Variants in SLC22A12 observed in about 807,000 individuals in gnomAD.
SLC22A12 encodes organic anion transporter 4-like protein.
SLC22A12 carries 56 observed loss-of-function variants against 52.7 expected under a neutral mutation model. That is an observed-to-expected ratio of 1.06 (90% CI 0.86 to 1.33). The LOEUF is 1.33. Among genes scored for constraint, SLC22A12 ranks in the 40% most tolerant of loss-of-function variants. SLC22A12 has a pLI of 0.00. For synonymous variants in SLC22A12, 337 were observed against 324.6 expected (o/e 1.04, Z -0.41); for missense variants, 683 against 741.5 (o/e 0.92, Z 0.92).
Position 64,591,806 on chromosome 11 carries a change from A to G in SLC22A12, c.250A>G (p.Arg84Gly), listed in dbSNP as rs553349865. Reference protein sequence around the residue: ...AISIPPGPNQRPHQCRRFRQP... With the variant: ...AISIPPGPNQGPHQCRRFRQP... ...TTCCATCCCGCCGGGCCCCAACCAG[A>G]GGCCCCACCAGTGCCGCCGCTTCCG... Residue 84 changes from arginine (R) to glycine (G), a missense_variant, in exon 1 of 10, where the codon AGG (arginine) becomes GGG (glycine). Transcript: ENST00000377574. The G allele has an allele frequency of 6.2e-7, 1 of 1,612,378 alleles. No individual in the cohort carries two copies. Among genetic ancestry groups the G allele is most frequent in the East Asian group, 2.2e-5 (1 of 44,864 alleles).
rs768871354 is a variant in SLC22A12, at chr11:64,598,793, C to G, written c.955-15C>G. The G allele has an allele frequency of 6.2e-7, 1 of 1,611,950 alleles. No individual in the cohort carries two copies. Among genetic ancestry groups the G allele is most frequent in the Non-Finnish European group, 8.5e-7 (1 of 1,179,918 alleles). On this transcript the variant is annotated splice_polypyrimidine_tract_variant and intron_variant, in intron 5 of 9. Coordinates refer to ENST00000377574, the MANE Select transcript of SLC22A12 (RefSeq NM_144585.4). ...GCGCCCCCAGTGCCAACAGCACCCACCCCCGCCTCCACAGGTCTTGCTTTC... is the reference window on the plus strand; with the variant it reads ...GCGCCCCCAGTGCCAACAGCACCCAGCCCCGCCTCCACAGGTCTTGCTTTC...
rs1217811248 is a variant in SLC22A12 at position 64,595,271 on chromosome 11, A to G, written c.830+1468A>G. 2.8e-5 allele frequency among the ~76,000 whole-genome samples: 3 copies of G among 105,270 alleles called. No individual in the cohort carries two copies. In the Admixed American group the frequency reaches 3.1e-4, roughly 11 times the overall value. 69.1% of individuals were successfully genotyped at this position (105,270 alleles called of 152,430 possible). A position where few individuals can be genotyped will look rare whatever the true frequency, so the allele number is the denominator to read the frequency against. ...ATGGATGGAATGGATGGATGGATGG[A>G]TGGATGGTTGAATGGATGGTTGGAT... On this transcript the variant is annotated intron_variant, in intron 4 of 9. Transcript: ENST00000377574.
At chr11:64,595,315 ATG>A (rs2039115999) in intron 4 of SLC22A12, among the ~76,000 whole-genome samples, 1 of 105,442 alleles carries the variant, frequency 9.5e-6, no homozygotes, top group African/African-American at 3.9e-5. Flanking sequence ...GGATGGATGG[ATG>A]GATGGATGGA....
intron 4 of SLC22A12, among the ~76,000 whole-genome samples, chr11:64,596,690 G>A (rs1159678577): frequency 6.6e-6 from 1 of 152,194 alleles, no homozygotes; most frequent in African/African-American, 2.4e-5. Flanking sequence ...CAGAGCAGGA[G>A]AAAATTACAT....
intron 7 of SLC22A12, among the ~76,000 whole-genome samples, 198 bp from the exon 8 acceptor site, chr11:64,600,169 C>G (rs1438758137): frequency 3.9e-5 from 6 of 152,210 alleles, no homozygotes; most frequent in Non-Finnish European, 8.8e-5. Flanking sequence ...CTCCTCGGGG[C>G]TGGCTCTGGG....
Position 64,601,587 on chromosome 11 carries a change from A to T in SLC22A12, c.*36A>T, listed in dbSNP as rs769136369. On this transcript the variant is annotated 3_prime_UTR_variant, in exon 10 of 10. Coordinates refer to ENST00000377574, the MANE Select transcript of SLC22A12 (RefSeq NM_144585.4). ...AACCTGCGATGGGACGGTCAGAGGA[A>T]GAGACTTCTTCTGTTCTCTGGAGAA... The T allele has an allele frequency of 2.5e-6, 4 of 1,607,674 alleles. No homozygotes were observed. Among genetic ancestry groups the T allele is most frequent in the Non-Finnish European group, 3.4e-6 (4 of 1,174,928 alleles).
rs571307205 is a variant in SLC22A12 at position 64,591,793 on chromosome 11, G to A, written c.237G>A (p.Pro79=). 60 of 1,612,432 alleles carry A rather than the reference G, an allele frequency of 3.7e-5. No homozygotes were observed. In the East Asian group the frequency reaches 9.8e-4, roughly 26 times the overall value. The part of the protein sequence containing the change: ...PEALLAISIP[P]GPNQRPHQCR... Reference sequence around the variant, plus strand: ...CCCTCCTGGCTATTTCCATCCCGCCGGGCCCCAACCAGAGGCCCCACCAGT... The same window carrying A: ...CCCTCCTGGCTATTTCCATCCCGCCAGGCCCCAACCAGAGGCCCCACCAGT... The change falls in exon 1 of 10, where the codon CCG becomes CCA. Residue 79 remains proline, a synonymous_variant. Coordinates refer to ENST00000377574, the MANE Select transcript of SLC22A12 (RefSeq NM_144585.4).
chr11:64,597,763 C>T (rs914230439), intron 4 of SLC22A12, among the ~76,000 whole-genome samples: 1 of 152,070 alleles, frequency 6.6e-6, no homozygotes, highest in Non-Finnish European at 1.5e-5. Context: ...GCATGGCAGG[C>T]GCTCAGCAGG....
At position 64,591,515 on chromosome 11, in the gene SLC22A12, T is replaced by G. The variant is rs751572849; in HGVS notation, c.-42T>G. 1 of 1,605,178 alleles carries G rather than the reference T, an allele frequency of 6.2e-7. No individual in the cohort carries two copies. The highest frequency in any genetic ancestry group is 2.2e-5 in the East Asian group (1 of 44,866). ...TGGCCTCTTTGCCCTGGGCCAGCCT[T>G]TGTGAAGTGGGCCCCTCTTCTGGGC... is the stretch of plus-strand genomic sequence containing the variant. On this transcript the variant is annotated 5_prime_UTR_variant, in exon 1 of 10. Coordinates refer to ENST00000377574, the MANE Select transcript of SLC22A12 (RefSeq NM_144585.4).
rs149722479 is a variant in SLC22A12, at chr11:64,592,788, G to C, written c.412G>C (p.Val138Leu). Residue 138 changes from valine to leucine, a missense_variant, in exon 2 of 10, where the codon GTG becomes CTG. Physicochemically the swap from Val to Leu is conservative, Grantham distance 32. Coordinates refer to ENST00000377574, the MANE Select transcript of SLC22A12 (RefSeq NM_144585.4). ...TSTIVAKWNL[V>L]CDSHALKPMA... ...CCTCCTCTCCCATCAGTGGAACCTC[G>C]TGTGTGACTCTCATGCTCTGAAGCC... is the stretch of plus-strand genomic sequence containing the variant. 141 of 1,613,438 alleles carry C rather than the reference G, an allele frequency of 8.7e-5. No individual in the cohort carries two copies. The highest frequency in any genetic ancestry group is 1.7e-4 in the Admixed American group (10 of 59,996).
intron 4 of SLC22A12, among the ~76,000 whole-genome samples, chr11:64,596,656 G>A (rs2039256111): frequency 6.6e-6 from 1 of 152,190 alleles, no homozygotes; most frequent in South Asian, 2.1e-4. Flanking sequence ...GCTTGGAGTG[G>A]AGTAACAATT....
At chr11:64,595,012 T>C (rs2039070056) in intron 4 of SLC22A12, among the ~76,000 whole-genome samples, 1 of 132,692 alleles carries the variant, frequency 7.5e-6, no homozygotes, top group Admixed American at 7.4e-5. Flanking sequence ...GATGGATGGA[T>C]GGATGGATGG....
Position 64,600,840 on chromosome 11 carries a change from G to A in SLC22A12, c.1500G>A (p.Val500=), listed in dbSNP as rs768708701. The A allele has an allele frequency of 6.2e-6, 10 of 1,608,016 alleles. No homozygotes were observed. In the African/African-American group the frequency reaches 1.2e-4, roughly 19 times the overall value. Reference sequence around the variant, plus strand: ...ATGGCCCCTGGCTGCCCTTGCTGGTGTATGGGACGGTGCCAGTGCTGAGTG... The same window carrying A: ...ATGGCCCCTGGCTGCCCTTGCTGGTATATGGGACGGTGCCAGTGCTGAGTG... ...GVHGPWLPLL[V]YGTVPVLSGL... Residue 500 remains valine, a synonymous_variant, in exon 9 of 10, where the codon GTG becomes GTA. Coordinates refer to ENST00000377574, the MANE Select transcript of SLC22A12 (RefSeq NM_144585.4).
At chr11:64,600,650 T>G in intron 8 of SLC22A12, 85 bp from the exon 9 acceptor site, 1 of 1,583,002 alleles carries the variant, frequency 6.3e-7, no homozygotes, top group Middle Eastern at 2.0e-4. Flanking sequence ...TGGGTCTCCC[T>G]GGGCCAAGCG....
chr11:64,600,595 G>A, intron 8 of SLC22A12, 120 bp downstream of exon 8: 1 of 1,397,096 alleles, frequency 7.2e-7, no homozygotes, highest in Non-Finnish European at 9.8e-7. Flanking sequence ...CTCTTGTGTG[G>A]TCCCCGGGGC....
intron 4 of SLC22A12, among the ~76,000 whole-genome samples, chr11:64,595,613 AATGG>A (rs1307382934): frequency 1.7e-5 from 2 of 118,554 alleles, no homozygotes; most frequent in African/African-American, 3.4e-5. Flanking sequence ...TGGATGGTTG[AATGG>A]ATGGATAGAT....
At chr11:64,594,686 T>C (rs1174760927) in intron 4 of SLC22A12, among the ~76,000 whole-genome samples, 3 of 128,330 alleles carry the variant, frequency 2.3e-5, no homozygotes, top group Admixed American at 7.6e-5. Flanking sequence ...GATGGACGGA[T>C]GGATGGATGG....
In SLC22A12 at chr11:64,600,945, G is replaced by A. The variant is rs772144120; in HGVS notation, c.1598+7G>A. On this transcript the variant is annotated splice_region_variant and intron_variant, in intron 9 of 9. Coordinates refer to ENST00000377574, the MANE Select transcript of SLC22A12 (RefSeq NM_144585.4). ...TCCAAGATGTGCAGAACCAGTGAGT[G>A]GACCCAGCCTCGGGACCACCCCTCC... 4 of 1,606,810 alleles carry A rather than the reference G, an allele frequency of 2.5e-6. No homozygotes were observed. The highest frequency in any genetic ancestry group is 2.7e-5 in the African/African-American group (2 of 74,870).
intron 2 of SLC22A12, among the ~76,000 whole-genome samples, chr11:64,593,113 C>T (rs538882773): frequency 2.0e-5 from 3 of 152,400 alleles, no homozygotes; most frequent in Admixed American, 1.3e-4. Context: ...TAGAGGATTT[C>T]TGCTCCCCAG....
Sources: gnomAD v4.1 joint callset for allele counts (sites outside exome capture counted in the v4.1 genomes callset) on GRCh38, gnomAD v4.1.1 for gene constraint, MANE v1.5 for transcripts, NCBI Gene and HGNC (gene_info 2026-07-23, HGNC 2026-07-21) for gene names.